Variants in FHL1 observed in about 807,000 individuals in gnomAD.
FHL1 encodes four and a half LIM domains 1, also known as four and a half LIM domains protein 1.
A neutral mutation model predicts 20.3 loss-of-function variants in FHL1; 1 was observed. The ratio of observed to expected loss-of-function variants is 0.05; its 90% confidence interval spans 0.02 to 0.23. FHL1 has a LOEUF of 0.23. Ranked by LOEUF, FHL1 falls within the 10% of genes least tolerant of loss-of-function variation. The pLI is 1.00. For synonymous variants in FHL1, 82 were observed against 88.9 expected (o/e 0.92, Z 0.44); for missense variants, 177 against 234.0 (o/e 0.76, Z 1.59).
At chrX:136,197,221 G>T in intron 1 of FHL1, 87 bp downstream of exon 1, 1 of 900,589 alleles carries the variant, frequency 1.1e-6, no homozygotes, top group African/African-American at 1.9e-5. Context: ...GGTTTTTGAT[G>T]AAATGATTTT....
intron 1 of FHL1, among the ~76,000 whole-genome samples, chrX:136,154,361 T>A (rs1603241590): frequency 8.9e-6 from 1 of 112,390 alleles, no homozygotes. Flanking sequence ...TAATTGAACA[T>A]TTAGTGATGG....
At chrX:136,204,070 G>A (rs1442963020) in intron 1 of FHL1, among the ~76,000 whole-genome samples, 6 of 112,714 alleles carry the variant, frequency 5.3e-5, no homozygotes, top group Non-Finnish European at 9.4e-5. Flanking sequence ...ATATGGTCCA[G>A]AAGATAGTCT....
chrX:136,147,800 C>G (rs1364110364), intron 1 of FHL1: 3 of 108,103 alleles, frequency 2.8e-5, no homozygotes, highest in Non-Finnish European at 5.8e-5. Flanking sequence ...CTTCGGCGGC[C>G]TCGCTGAGGC....
In FHL1 at chrX:136,199,742, G is replaced by GT. The variant is rs2073657094; in HGVS notation, c.22+2611dup. 4.5e-5 allele frequency among the ~76,000 whole-genome samples: 5 copies of GT among 112,186 alleles called. No individual in the cohort carries two copies. In the South Asian group the frequency reaches 1.9e-3, roughly 42 times the overall value. The stretch of plus-strand genomic sequence containing the variant: ...TTTTCCATTTGGGTTGTTGTTCATT[G>GT]TTTACACTGTACATTACACCCTTCA... On this transcript the variant is annotated intron_variant, in intron 1 of 5. Coordinates refer to ENST00000370683, the MANE Select transcript of FHL1 (RefSeq NM_001159699.2).
intron 2 of FHL1, among the ~76,000 whole-genome samples, chrX:136,190,364 G>A (rs886224802): frequency 5.4e-5 from 6 of 111,987 alleles, no homozygotes; most frequent in Admixed American, 3.8e-4. Context: ...CTCTGCTTCC[G>A]CATCCAACCT....
chrX:136,164,763 A>G (rs1289746483), upstream of FHL1, among the ~76,000 whole-genome samples: 1 of 111,369 alleles, frequency 9.0e-6, no homozygotes, highest in Non-Finnish European at 1.9e-5. Flanking sequence ...CAGACTCAGT[A>G]TTTTACAGGG....
intron 1 of FHL1, among the ~76,000 whole-genome samples, chrX:136,197,900 C>T (rs922429248): frequency 5.1e-4 from 56 of 110,457 alleles, no homozygotes; most frequent in African/African-American, 1.8e-3. Flanking sequence ...TAAAGTCAGA[C>T]GGTTAGATAT....
chrX:136,195,654 C>T (rs1165018742), upstream of FHL1, among the ~76,000 whole-genome samples: 1 of 112,228 alleles, frequency 8.9e-6, no homozygotes, highest in Admixed American at 9.5e-5. Context: ...TTTAGAATAA[C>T]TTTTCCTTAA....
At chrX:136,189,152 G>T (rs926905) in intron 2 of FHL1, among the ~76,000 whole-genome samples, 45,488 of 110,750 alleles carry the variant, frequency 0.41, 6,735 homozygotes, top group African/African-American at 0.46. Flanking sequence ...GGTCTAATTA[G>T]CCACTGGGCC....
intron 1 of FHL1, among the ~76,000 whole-genome samples, chrX:136,199,858 G>A (rs1300685602): frequency 9.0e-6 from 1 of 111,697 alleles, no homozygotes; most frequent in Non-Finnish European, 1.9e-5. Context: ...TGAGGGAGAA[G>A]ATGAACAATA....
intron 2 of FHL1, among the ~76,000 whole-genome samples, chrX:136,172,896 C>A (rs1409788067): frequency 2.7e-5 from 3 of 111,915 alleles, no homozygotes; most frequent in Non-Finnish European, 5.6e-5. Context: ...CCATGCCTAG[C>A]TAATTTTTGT....
chrX:136,207,445 C>G (rs754911572), intron 3 of FHL1: 2 of 431,791 alleles, frequency 4.6e-6, no homozygotes, highest in South Asian at 7.1e-5. Context: ...GTAGCGCTTT[C>G]TCATTTGGGC....
rs1426470101 is a variant in FHL1 at position 136,185,803 on chromosome X, A to G, written c.-27+15823A>G. On this transcript the variant is annotated intron_variant, in intron 2 of 6. Coordinates refer to the FHL1 transcript ENST00000394153. ...GTTGAAAAATCCATGACAGATTTAT[A>G]TAACGAACGTGGATGGTGTTTTGTT... Among the ~76,000 whole-genome samples the G allele has an allele frequency of 3.6e-5, 4 of 112,147 alleles. 1 individual carries two copies. The highest frequency in any genetic ancestry group is 1.3e-4 in the African/African-American group (4 of 30,830).
At chrX:136,193,918 T>C (rs1463170253), upstream of FHL1, among the ~76,000 whole-genome samples, 1 of 110,168 alleles carries the variant, frequency 9.1e-6, no homozygotes, top group Non-Finnish European at 1.9e-5. Flanking sequence ...CTTTCGGTCC[T>C]ACTACTTCCT....
At chrX:136,164,211 A>T (rs867720110) in intron 1 of FHL1, among the ~76,000 whole-genome samples, 7 of 99,483 alleles carry the variant, frequency 7.0e-5, no homozygotes, top group African/African-American at 7.3e-5. Context: ...AGTGTACTCT[A>T]TTTTTTTTTT....
At chrX:136,199,943 G>A (rs1488356864) in intron 1 of FHL1, among the ~76,000 whole-genome samples, 3 of 111,789 alleles carry the variant, frequency 2.7e-5, no homozygotes, top group Non-Finnish European at 3.8e-5. Flanking sequence ...GTAATGAGAG[G>A]TTTATAGTAA....
intron 2 of FHL1, among the ~76,000 whole-genome samples, chrX:136,186,886 AGATAGAT>A (rs2073316415): frequency 1.8e-4 from 2 of 11,059 alleles, no homozygotes; most frequent in Non-Finnish European, 4.8e-4. Context: ...ATATATAGAT[AGATAGAT>A]AGATAGATAG....
chrX:136,153,808 C>T (rs2072338912), intron 1 of FHL1, among the ~76,000 whole-genome samples: 2 of 111,582 alleles, frequency 1.8e-5, no homozygotes, highest in Non-Finnish European at 3.8e-5. Context: ...GCAAAACCTC[C>T]AACTTATATA....
At chrX:136,196,913 T>C, upstream of FHL1, 1 of 1,113,721 alleles carries the variant, frequency 9.0e-7, no homozygotes, top group Non-Finnish European at 1.2e-6. Flanking sequence ...TTCTTCTCCC[T>C]TGGATCACCT....
Sources: gnomAD v4.1 joint callset for allele counts (sites outside exome capture counted in the v4.1 genomes callset) on GRCh38, gnomAD v4.1.1 for gene constraint, MANE v1.5 for transcripts, NCBI Gene and HGNC (gene_info 2026-07-23, HGNC 2026-07-21) for gene names.